LRP2: variants seen among roughly 807,000 people sequenced by gnomAD.
The protein encoded by LRP2 is low-density lipoprotein receptor-related protein 2.
In LRP2, 172 loss-of-function variants were observed where a neutral mutation model predicts 531.0. That is an observed-to-expected ratio of 0.32 (90% CI 0.29 to 0.37). The LOEUF is 0.37. LRP2 is among the 10% of genes least tolerant of loss of function. The probability of loss-of-function intolerance (pLI) is 1.00; values close to 1 mark genes in which losing one functional copy is unlikely to be tolerated. For synonymous variants in LRP2, 1,992 were observed against 2,027.6 expected (o/e 0.98, Z 0.47); for missense variants, 5,167 against 5,868.3 (o/e 0.88, Z 3.90).
chr2:169,248,629 G>C (rs1299149451), intron 19 of LRP2, among the ~76,000 whole-genome samples: 2 of 124,114 alleles, frequency 1.6e-5, no homozygotes, highest in Admixed American at 7.9e-5. Context: ...GTTGAGGGGA[G>C]GAGCCAAGAT....
At chr2:169,354,563 G>C (rs1011375055) in intron 1 of LRP2, among the ~76,000 whole-genome samples, 1 of 152,130 alleles carries the variant, frequency 6.6e-6, no homozygotes, top group African/African-American at 2.4e-5. Flanking sequence ...CATTATCTAG[G>C]AAAGACTTAC....
At chr2:169,225,148 CCT>C (rs1559026901) in intron 33 of LRP2, among the ~76,000 whole-genome samples, 160 bp downstream of exon 33, 1 of 151,860 alleles carries the variant, frequency 6.6e-6, no homozygotes, top group African/African-American at 2.4e-5. Flanking sequence ...AGGTGGTTTT[CCT>C]CTTTCACTTC....
At chr2:169,345,776 C>T (rs1408328713) in intron 1 of LRP2, among the ~76,000 whole-genome samples, 2 of 148,518 alleles carry the variant, frequency 1.3e-5, no homozygotes, top group East Asian at 3.9e-4. Context: ...AAAAAACGAG[C>T]ACTGTTAGAG....
At chr2:169,361,367 TCTCTCTCTCC>T (rs781705349) in intron 1 of LRP2, among the ~76,000 whole-genome samples, 5,564 of 110,538 alleles carry the variant, frequency 0.05, 144 homozygotes, top group South Asian at 0.068. Context: ...TCTCTCTCTC[TCTCTCTCTCC>T]CTCTCTCTCT....
intron 72 of LRP2, 139 bp from the exon 73 acceptor site, chr2:169,139,749 T>A (rs1057486833): frequency 6.4e-6 from 5 of 782,502 alleles, no homozygotes; most frequent in African/African-American, 5.1e-5. Context: ...TGCATGACTT[T>A]TGTTCATTCT....
At chr2:169,307,240 G>A in intron 4 of LRP2, 41 bp downstream of exon 4, 1 of 1,326,200 alleles carries the variant, frequency 7.5e-7, no homozygotes, top group Non-Finnish European at 1.1e-6. Flanking sequence ...AAAGGGACAA[G>A]GGTGAAACCA....
At chr2:169,155,799 A>C (rs893700730) in intron 65 of LRP2, among the ~76,000 whole-genome samples, 5 of 152,194 alleles carry the variant, frequency 3.3e-5, no homozygotes, top group Non-Finnish European at 5.9e-5. Flanking sequence ...TGAACAATAC[A>C]AAAGGGATAT....
Position 169,204,156 on chromosome 2 carries a change from A to G in LRP2, c.7831T>C (p.Tyr2611His), listed in dbSNP as rs751050595. The G allele has an allele frequency of 1.2e-6, 2 of 1,614,204 alleles. No homozygotes were observed. The highest frequency in any genetic ancestry group is 2.2e-5 in the East Asian group (1 of 44,888). ...YGQYIYWTDL[Y>H]TQRIYRANKY... ...TTAGCTCGGTAAATTCTTTGTGTGTACAAGTCAGTCCAGTAAATATACTGG... is the reference window on the plus strand; with the variant it reads ...TTAGCTCGGTAAATTCTTTGTGTGTGCAAGTCAGTCCAGTAAATATACTGG... Residue 2611 changes from tyrosine to histidine, a missense_variant, in exon 42 of 79, where the codon TAC becomes CAC. Physicochemically the swap from Tyr to His is moderately conservative, Grantham distance 83 (BLOSUM62 2). Transcript: ENST00000649046.
chr2:169,158,167 T>TG (rs1686414426), intron 63 of LRP2, among the ~76,000 whole-genome samples: 1 of 151,422 alleles, frequency 6.6e-6, no homozygotes, highest in African/African-American at 2.4e-5. Context: ...ATCATACAAC[T>TG]GCTCTTAGAG....
chr2:169,146,984 T>C (rs1393909739), intron 68 of LRP2, 25 bp from the exon 69 acceptor site: 3 of 1,545,930 alleles, frequency 1.9e-6, no homozygotes, highest in Non-Finnish European at 2.7e-6. Context: ...TTCTTCACTG[T>C]AGCATCTCAC....
intron 1 of LRP2, among the ~76,000 whole-genome samples, chr2:169,352,907 C>A (rs1685891782): frequency 6.6e-6 from 1 of 151,962 alleles, no homozygotes; most frequent in South Asian, 2.1e-4. Flanking sequence ...AGCATTAGGA[C>A]AAATACCTAA....
chr2:169,193,440 A>G (rs928360827), intron 47 of LRP2, among the ~76,000 whole-genome samples: 2 of 150,626 alleles, frequency 1.3e-5, no homozygotes, highest in African/African-American at 4.9e-5. Flanking sequence ...AAAAAAAAAA[A>G]AAAGAAAGAA....
Position 169,132,678 on chromosome 2 carries a change from T to A in LRP2, c.13624A>T (p.Thr4542Ser). 6.7e-7 allele frequency: 1 copy of A among 1,495,720 alleles called. No homozygotes were observed. Among genetic ancestry groups the A allele is most frequent in the South Asian group, 1.1e-5 (1 of 88,692 alleles). The allele number at this position is 1,495,720 out of a possible 1,614,324, so 92.7% of individuals were successfully genotyped here. A position where few individuals can be genotyped will look rare whatever the true frequency, so the allele number is the denominator to read the frequency against. The change falls in exon 77 of 79, where the codon ACT (threonine) becomes TCT (serine). Residue 4542 changes from threonine to serine, a missense_variant. Physicochemically the swap from Thr to Ser is moderately conservative, Grantham distance 58. Transcript: ENST00000649046. ...AVKVVQPIQV[T>S]VSENVDNKNY... Reference sequence around the variant, plus strand: ...TTATTATCCACATTTTCAGATACAGTCACCTGTGGACATGTTAAAGGCCTT... The same window carrying A: ...TTATTATCCACATTTTCAGATACAGACACCTGTGGACATGTTAAAGGCCTT...
At chr2:169,245,565 T>C (rs1419100076) in intron 21 of LRP2, among the ~76,000 whole-genome samples, 1 of 152,202 alleles carries the variant, frequency 6.6e-6, no homozygotes, top group East Asian at 1.9e-4. Context: ...AACTTCACCT[T>C]GATAGAGATT....
rs760108992 is a variant in LRP2 at position 169,137,452 on chromosome 2, T to C, written c.13560A>G (p.Ile4520Met). ...FVMEMGKQPI[I>M]FENPMYSARD... ...TGGCTGAGTACATTGGGTTTTCAAA[T>C]ATTATGGGCTGCTTCCCCATTTCCA... The change falls in exon 76 of 79, where the codon ATA (isoleucine) becomes ATG (methionine). Residue 4520 changes from isoleucine to methionine, a missense_variant. Ile to Met is a conservative substitution (Grantham distance 10). Transcript: ENST00000649046. 2.5e-6 allele frequency: 4 copies of C among 1,613,922 alleles called. No homozygotes were observed. The Admixed American group carries it at 5.0e-5, about 20-fold the overall frequency.
intron 1 of LRP2, among the ~76,000 whole-genome samples, chr2:169,328,787 A>G (rs542683384): frequency 2.0e-5 from 3 of 152,364 alleles, no homozygotes; most frequent in South Asian, 2.1e-4. Flanking sequence ...ATTTAGCCCC[A>G]GGACCTGTGT....
chr2:169,233,822 C>T (rs1689503025), intron 29 of LRP2, among the ~76,000 whole-genome samples: 1 of 152,184 alleles, frequency 6.6e-6, no homozygotes, highest in Non-Finnish European at 1.5e-5. Context: ...TTATGTTTGC[C>T]TTGGTAATTA....
intron 77 of LRP2, among the ~76,000 whole-genome samples, chr2:169,131,160 A>T (rs1685272759): frequency 6.6e-6 from 1 of 152,224 alleles, no homozygotes; most frequent in Non-Finnish European, 1.5e-5. Flanking sequence ...ATCCATTTTT[A>T]ATATAGCTTA....
chr2:169,150,788 T>C (rs1365367969), intron 68 of LRP2, 110 bp downstream of exon 68: 2 of 1,385,696 alleles, frequency 1.4e-6, no homozygotes, highest in African/African-American at 1.4e-5. Context: ...TCCCAAAAAC[T>C]TGAAGGACAA....
Sources: allele counts gnomAD v4.1 joint callset (sites outside exome capture counted in the v4.1 genomes callset), GRCh38; gene constraint gnomAD v4.1.1; transcripts MANE v1.5; gene names NCBI Gene and HGNC (gene_info 2026-07-23, HGNC 2026-07-21).